Variants in SPRING1 observed in about 807,000 individuals in gnomAD.
SPRING1 encodes SREBP regulating gene protein.
SPRING1 carries 14 observed loss-of-function variants against 24.7 expected under a neutral mutation model. The observed-to-expected ratio is 0.57, with a 90% CI of 0.37 to 0.88. The LOEUF is 0.88. SPRING1 is among the 40% of genes least tolerant of loss of function. The pLI is 0.00. For missense variants in SPRING1, 255 were observed against 268.4 expected, an observed-to-expected ratio of 0.95 and a Z score of 0.35; for synonymous variants, 93 against 106.1, an observed-to-expected ratio of 0.88 and a Z score of 0.76.
At chr12:116,727,579 G>A (rs1431071376) in intron 1 of SPRING1, among the ~76,000 whole-genome samples, 1 of 137,600 alleles carries the variant, frequency 7.3e-6, no homozygotes, top group East Asian at 1.9e-4. Flanking sequence ...AAAAAGAGGG[G>A]AGGGGGAGAA....
chr12:116,731,674 T>TA (rs34305456), intron 1 of SPRING1, among the ~76,000 whole-genome samples: 13,640 of 152,116 alleles, frequency 0.09, 804 homozygotes, highest in East Asian at 0.15. Flanking sequence ...CCCTTGAGCC[T>TA]AGGAATTCGA....
intron 1 of SPRING1, among the ~76,000 whole-genome samples, chr12:116,724,464 C>A (rs1262614041): frequency 6.6e-6 from 1 of 152,090 alleles, no homozygotes; most frequent in Non-Finnish European, 1.5e-5. Flanking sequence ...GCCTGTAATC[C>A]CAGCACTTTG....
At position 116,719,810 on chromosome 12, in the gene SPRING1, C is replaced by T. The variant is rs138632621; in HGVS notation, c.487G>A (p.Glu163Lys). ...VAFQNLFMAV[E>K]DHFELCLAKC... The stretch of plus-strand genomic sequence containing the variant: ...GCCAGGCACAACTCAAAGTGATCTT[C>T]GACTGCCATGAAGAGGTTCTGGAAT... The change falls in exon 4 of 5, where the codon GAA becomes AAA. Residue 163 changes from glutamate (E) to lysine (K), a missense_variant. By Grantham distance (56) the Glu-to-Lys change is moderately conservative. Coordinates refer to ENST00000261318, the MANE Select transcript of SPRING1 (RefSeq NM_024738.4). The T allele has an allele frequency of 2.1e-5, 34 of 1,614,030 alleles. No homozygotes were observed. The highest frequency in any genetic ancestry group is 1.6e-4 in the Middle Eastern group (1 of 6,082).
At position 116,723,236 on chromosome 12, in the gene SPRING1, C is replaced by T. The variant is rs200968187; in HGVS notation, c.112-13G>A. 5 of 1,613,782 alleles carry T rather than the reference C, an allele frequency of 3.1e-6. No homozygotes were observed. Among genetic ancestry groups the T allele is most frequent in the Admixed American group, 1.7e-5 (1 of 59,994 alleles). On this transcript the variant is annotated splice_polypyrimidine_tract_variant and intron_variant, in intron 1 of 4. Coordinates refer to ENST00000261318, the MANE Select transcript of SPRING1 (RefSeq NM_024738.4). ...CTGCCCTCTCCTCCTGCAAAGAAAC[C>T]ATAAGTGAGAAGGTTAAGTATCCAG...
chr12:116,727,281 A>G (rs958696712), intron 1 of SPRING1, among the ~76,000 whole-genome samples: 4 of 152,220 alleles, frequency 2.6e-5, no homozygotes, highest in South Asian at 2.1e-4. Context: ...GTACCTCCAT[A>G]TATCAGTGCG....
At chr12:116,731,539 T>C (rs1331834691) in intron 1 of SPRING1, among the ~76,000 whole-genome samples, 1 of 151,858 alleles carries the variant, frequency 6.6e-6, no homozygotes, top group African/African-American at 2.4e-5. Context: ...AACCCAGGAG[T>C]TGGACACCAG....
At position 116,737,869 on chromosome 12, in the gene SPRING1, C is replaced by A; in HGVS notation, c.32G>T (p.Arg11Leu). The change falls in exon 1 of 5, where the codon CGG becomes CTG. Residue 11 changes from arginine to leucine, a missense_variant. Transcript: ENST00000261318. MVNLAAMVWR[R>L]LLRKRWVLAL... The stretch of plus-strand genomic sequence containing the variant: ...GAGCACCCACCTCTTCCGCAGAAGC[C>A]GGCGCCACACCATGGCCGCCAGGTT... 1.9e-6 allele frequency: 3 copies of A among 1,576,068 alleles called. No individual in the cohort carries two copies. The highest frequency in any genetic ancestry group is 2.6e-6 in the Non-Finnish European group (3 of 1,162,572).
chr12:116,732,677 A>G (rs1025274901), intron 1 of SPRING1, among the ~76,000 whole-genome samples: 1 of 152,266 alleles, frequency 6.6e-6, no homozygotes, highest in African/African-American at 2.4e-5. Flanking sequence ...ACTGCACTCC[A>G]GCCTGGGTGA....
intron 1 of SPRING1, among the ~76,000 whole-genome samples, chr12:116,733,049 A>G (rs1566061764): frequency 6.6e-6 from 1 of 152,232 alleles, no homozygotes; most frequent in Non-Finnish European, 1.5e-5. Flanking sequence ...AAAGATGGGG[A>G]ATAAATCTGT....
rs1385165195 is a variant in SPRING1, at chr12:116,713,106, C to CGAGG, written c.*4703_*4704insCCTC. The stretch of plus-strand genomic sequence containing the variant: ...TCTGTGTCGTGGGGGCTGTTGGGCA[C>CGAGG]CATCCCTGGCCTCCCTCCACGAGTG... On this transcript the variant is annotated 3_prime_UTR_variant, in exon 5 of 5. Transcript: ENST00000261318. 1 of 152,194 alleles carries CGAGG rather than the reference C, an allele frequency of 6.6e-6. No homozygotes were observed. Among genetic ancestry groups the CGAGG allele is most frequent in the Non-Finnish European group, 1.5e-5 (1 of 68,066 alleles). 9.4% of individuals were successfully genotyped at this position (152,194 alleles called of 1,614,324 possible).
intron 1 of SPRING1, among the ~76,000 whole-genome samples, chr12:116,730,145 C>T (rs948116852): frequency 6.6e-6 from 1 of 152,172 alleles, no homozygotes; most frequent in African/African-American, 2.4e-5. Flanking sequence ...CATGATCCAC[C>T]CGCCTCGGCC....
chr12:116,728,826 G>A lies in SPRING1; in HGVS notation c.112-5603C>T, dbSNP rs1870832938. Among the ~76,000 whole-genome samples the A allele has an allele frequency of 6.6e-6, 1 of 152,212 alleles. No individual in the cohort carries two copies. The highest frequency in any genetic ancestry group is 2.1e-4 in the South Asian group (1 of 4,834). On this transcript the variant is annotated intron_variant, in intron 1 of 4. Coordinates refer to ENST00000261318, the MANE Select transcript of SPRING1 (RefSeq NM_024738.4). This position sits in a 1 kb window ranked among gnomAD's most constrained non-coding sequence, Gnocchi z 4.2. ...CCCAAACTGAGGCCAGCTGAGCAGG[G>A]ACGGCCAAGTCAGACGCATGCAGGA...
rs773463635 is a variant in SPRING1 at position 116,720,337 on chromosome 12, C to G, written c.379G>C (p.Ala127Pro). 1.2e-6 allele frequency: 2 copies of G among 1,614,184 alleles called. No homozygotes were observed. The highest frequency in any genetic ancestry group is 2.2e-5 in the South Asian group (2 of 91,086). The change falls in exon 3 of 5, where the codon GCC becomes CCC. Residue 127 changes from alanine to proline, a missense_variant. Physicochemically the swap from Ala to Pro is conservative, Grantham distance 27. Coordinates refer to ENST00000261318, the MANE Select transcript of SPRING1 (RefSeq NM_024738.4). The surrounding 1 kb of genome is among the most constrained non-coding windows in gnomAD (Gnocchi z 4.0). ...DGCWPNGCCS[A>P]YEYCVSCCLQ... ...CAGCAGGAGACACAGTACTCATAGG[C>G]GCTGCAGCAGCCGTTGGGCCAGCAG...
intron 3 of SPRING1, 26 bp from the exon 4 acceptor site, chr12:116,719,902 T>C (rs1310228282): frequency 1.3e-6 from 2 of 1,590,412 alleles, no homozygotes; most frequent in Non-Finnish European, 1.7e-6. Flanking sequence ...TTAGTGCCTG[T>C]AATAAATTAC....
At position 116,720,512 on chromosome 12, in the gene SPRING1, C is replaced by A. The variant is rs1373332428; in HGVS notation, c.269-65G>T. On this transcript the variant is annotated intron_variant, in intron 2 of 4. Coordinates refer to ENST00000261318, the MANE Select transcript of SPRING1 (RefSeq NM_024738.4). The surrounding 1 kb of genome is among the most constrained non-coding windows in gnomAD (Gnocchi z 4.0). ...CTTGCCACCTCCCTACCAGGGATGACCATGAAGCAGCAGTGAAAGTACACA... is the reference window on the plus strand; with the variant it reads ...CTTGCCACCTCCCTACCAGGGATGAACATGAAGCAGCAGTGAAAGTACACA... 1.3e-6 allele frequency: 2 copies of A among 1,573,276 alleles called. No homozygotes were observed. The highest frequency in any genetic ancestry group is 1.7e-6 in the Non-Finnish European group (2 of 1,153,790).
In SPRING1 at chr12:116,720,544, A is replaced by T; in HGVS notation, c.269-97T>A. ...GCAGCAGTGAAAGTACACAGACAGA[A>T]GCTGGAGTCTGGGGCATCATCCTAA... On this transcript the variant is annotated intron_variant, in intron 2 of 4. Transcript: ENST00000261318. The surrounding 1 kb of genome is among the most constrained non-coding windows in gnomAD (Gnocchi z 4.0). 1.3e-6 allele frequency: 2 copies of T among 1,484,402 alleles called. No individual in the cohort carries two copies. The highest frequency in any genetic ancestry group is 1.8e-6 in the Non-Finnish European group (2 of 1,088,632). The allele number at this position is 1,484,402 out of a possible 1,614,324, so 92.0% of individuals were successfully genotyped here.
In SPRING1 at chr12:116,711,233, C is replaced by G. The variant is rs1477777926; in HGVS notation, c.*6577G>C. On this transcript the variant is annotated 3_prime_UTR_variant, in exon 5 of 5. Coordinates refer to ENST00000261318, the MANE Select transcript of SPRING1 (RefSeq NM_024738.4). ...ACACTCTCTCTCGCTCTCTCTCTTC[C>G]TTAAGAATAGTGAGATGTGGCCAGG... 3 of 152,342 alleles carry G rather than the reference C, an allele frequency of 2.0e-5. No individual in the cohort carries two copies. Among genetic ancestry groups the G allele is most frequent in the Admixed American group, 1.3e-4 (2 of 15,302 alleles). The allele number at this position is 152,342 out of a possible 1,614,324, so 9.4% of individuals were successfully genotyped here.
At chr12:116,730,067 A>AT (rs974404720) in intron 1 of SPRING1, among the ~76,000 whole-genome samples, 49 of 150,662 alleles carry the variant, frequency 3.3e-4, no homozygotes, top group Non-Finnish European at 5.6e-4. Flanking sequence ...CGCCCGGCTA[A>AT]TTTTTTGTAT....
At chr12:116,727,020 T>C (rs1870728809) in intron 1 of SPRING1, among the ~76,000 whole-genome samples, 1 of 152,248 alleles carries the variant, frequency 6.6e-6, no homozygotes, top group Non-Finnish European at 1.5e-5. Context: ...TAGCAATGTT[T>C]GCTTTTTTGA....
Sources: gnomAD v4.1 joint callset for allele counts (sites outside exome capture counted in the v4.1 genomes callset) on GRCh38, gnomAD v4.1.1 for gene constraint, Gnocchi (gnomAD v3.1) non-coding constraint, MANE v1.5 for transcripts, NCBI Gene and HGNC (gene_info 2026-07-23, HGNC 2026-07-21) for gene names.